POU2AF2: variants seen among roughly 807,000 people sequenced by gnomAD.
POU2AF2 encodes POU class 2 homeobox associating factor 2, also known as POU domain class 2-associating factor 2.
At chr11:111,284,466 G>C in the POU2AF2 span, 1 of 1,422,748 alleles carries the variant, frequency 7.0e-7, no homozygotes, top group East Asian at 2.4e-5. Context: ...CCGGGTTGAA[G>C]CCAGGTCTGG....
At chr11:111,272,455 A>G in the POU2AF2 span, among the ~76,000 whole-genome samples, 1 of 152,234 alleles carries the variant, frequency 6.6e-6, no homozygotes, top group Admixed American at 6.5e-5. Flanking sequence ...GTGATGATCT[A>G]ATGAAATAAT....
At chr11:111,284,488 G>A in the POU2AF2 span, 2 of 1,289,830 alleles carry the variant, frequency 1.6e-6, no homozygotes, top group South Asian at 1.5e-5. Context: ...TCACCCTGTA[G>A]ACTCCAGAGG....
chr11:111,284,289 C>G, the POU2AF2 span: 2 of 1,613,736 alleles, frequency 1.2e-6, no homozygotes, highest in Non-Finnish European at 1.7e-6. Flanking sequence ...CCGGCGCTGA[C>G]GCCCAACGCG....
chr11:111,255,218 C>A, the POU2AF2 span, among the ~76,000 whole-genome samples: 1 of 152,190 alleles, frequency 6.6e-6, no homozygotes, highest in Non-Finnish European at 1.5e-5. Context: ...GATTCCAGCT[C>A]TATTGCTTAT....
At chr11:111,278,966 A>G in the POU2AF2 span, among the ~76,000 whole-genome samples, 1 of 152,322 alleles carries the variant, frequency 6.6e-6, no homozygotes, top group African/African-American at 2.4e-5. Flanking sequence ...TAATCATTGA[A>G]TGAGACTCTA....
chr11:111,248,183 C>A, the POU2AF2 span, among the ~76,000 whole-genome samples: 20 of 152,148 alleles, frequency 1.3e-4, no homozygotes, highest in Non-Finnish European at 2.5e-4. Context: ...ACTAACATAT[C>A]ATCTCCCCAG....
chr11:111,283,899 A>AT, the POU2AF2 span, among the ~76,000 whole-genome samples: 1 of 152,184 alleles, frequency 6.6e-6, no homozygotes, highest in Non-Finnish European at 1.5e-5. Context: ...AACGTTAGTT[A>AT]TTTGGGCTAA....
At chr11:111,284,212 A>G in the POU2AF2 span, 1 of 1,614,188 alleles carries the variant, frequency 6.2e-7, no homozygotes, top group Non-Finnish European at 8.5e-7. Context: ...AGTCCTCCGC[A>G]GGGCAGAGCC....
chr11:111,276,188 G>T, the POU2AF2 span, among the ~76,000 whole-genome samples: 1 of 151,726 alleles, frequency 6.6e-6, no homozygotes, highest in African/African-American at 2.4e-5. Context: ...TAAATAAAAA[G>T]AAATCTGCCT....
the POU2AF2 span, among the ~76,000 whole-genome samples, chr11:111,262,319 G>T: frequency 6.6e-6 from 1 of 152,196 alleles, no homozygotes; most frequent in Non-Finnish European, 1.5e-5. Flanking sequence ...ATAAAGTTGG[G>T]CAGACTTTAA....
chr11:111,258,396 A>G, the POU2AF2 span, among the ~76,000 whole-genome samples: 1 of 152,196 alleles, frequency 6.6e-6, no homozygotes, highest in Non-Finnish European at 1.5e-5. Flanking sequence ...CCCAGGGTGA[A>G]TGAGTGTGTA....
the POU2AF2 span, among the ~76,000 whole-genome samples, chr11:111,253,775 A>G: frequency 2.6e-5 from 4 of 152,156 alleles, no homozygotes; most frequent in African/African-American, 9.7e-5. Flanking sequence ...CAGAAACATC[A>G]TGATTGACCC....
chr11:111,280,057 A>AAAAATATATATATAT, the POU2AF2 span, among the ~76,000 whole-genome samples: 268 of 76,410 alleles, frequency 3.5e-3, 1 homozygote, highest in Middle Eastern at 0.02. Flanking sequence ...AAAAAAAAAA[A>AAAAATATATATATAT]ATATATATAT....
At chr11:111,261,260 TACAC>T in the POU2AF2 span, among the ~76,000 whole-genome samples, 16,245 of 140,930 alleles carry the variant, frequency 0.12, 934 homozygotes, top group Middle Eastern at 0.19. Context: ...TAGTACCAAA[TACAC>T]ACACACACAC....
At chr11:111,258,589 G>A in the POU2AF2 span, among the ~76,000 whole-genome samples, 3 of 152,044 alleles carry the variant, frequency 2.0e-5, no homozygotes, top group South Asian at 2.1e-4. Flanking sequence ...ATCAAGTCAC[G>A]GATTTTGTTT....
the POU2AF2 span, among the ~76,000 whole-genome samples, chr11:111,270,801 T>G: frequency 6.6e-6 from 1 of 152,032 alleles, no homozygotes; most frequent in South Asian, 2.1e-4. Context: ...TGGGAGAGTA[T>G]CAGCCCTTGT....
the POU2AF2 span, among the ~76,000 whole-genome samples, chr11:111,260,235 G>C: frequency 6.6e-6 from 1 of 152,134 alleles, no homozygotes; most frequent in Non-Finnish European, 1.5e-5. Context: ...AGTTAGAGAA[G>C]TCATTCATTA....
chr11:111,276,453 A>AAAAAAAAAATATATATATAT, the POU2AF2 span, among the ~76,000 whole-genome samples: 4 of 37,664 alleles, frequency 1.1e-4, no homozygotes, highest in Admixed American at 3.5e-4. Context: ...AAAAAAAAAA[A>AAAAAAAAAATATATATATAT]ATATATATAT....
the POU2AF2 span, among the ~76,000 whole-genome samples, chr11:111,283,628 G>GTGTT: frequency 6.6e-6 from 1 of 152,170 alleles, no homozygotes; most frequent in Non-Finnish European, 1.5e-5. Flanking sequence ...GGGGTTATAT[G>GTGTT]TGTTACCTTA....
Sources: allele counts gnomAD v4.1 joint callset (sites outside exome capture counted in the v4.1 genomes callset), GRCh38; gene constraint gnomAD v4.1.1; transcripts MANE v1.5; gene names NCBI Gene and HGNC (gene_info 2026-07-23, HGNC 2026-07-21).